Variants in ZBTB8A observed in about 807,000 individuals in gnomAD.
ZBTB8A encodes the protein zinc finger and BTB domain containing 8A, also known as zinc finger and BTB domain-containing protein 8A.
ZBTB8A carries 19 observed loss-of-function variants against 37.8 expected under a neutral mutation model. The observed-to-expected ratio is 0.50, with a 90% confidence interval of 0.35 to 0.74. The LOEUF is 0.74. Ranked by LOEUF, ZBTB8A falls within the 30% of genes least tolerant of loss-of-function variation. The probability of loss-of-function intolerance (pLI) is 0.01; values close to 1 mark genes in which losing one functional copy is unlikely to be tolerated. For missense variants in ZBTB8A, 394 were observed against 537.8 expected, an observed-to-expected ratio of 0.73 and a Z score of 2.65; for synonymous variants, 181 against 185.2, an observed-to-expected ratio of 0.98 and a Z score of 0.19.
chr1:32,569,192 T>C (rs2148230918), intron 2 of ZBTB8A, among the ~76,000 whole-genome samples: 1 of 152,236 alleles, frequency 6.6e-6, no homozygotes, highest in East Asian at 1.9e-4. Flanking sequence ...TGGTTTTAAT[T>C]GGCATTTCCC....
At chr1:32,583,445 G>A (rs1644423178) in intron 2 of ZBTB8A, among the ~76,000 whole-genome samples, 1 of 151,392 alleles carries the variant, frequency 6.6e-6, no homozygotes, top group East Asian at 1.9e-4. Context: ...AGATGGTGAG[G>A]CATTAATATA....
chr1:32,594,095 G>A (rs1390712172), intron 3 of ZBTB8A, among the ~76,000 whole-genome samples: 1 of 151,882 alleles, frequency 6.6e-6, no homozygotes, highest in African/African-American at 2.4e-5. Context: ...TCAGGAGGCT[G>A]AGGCAGGAGA....
At chr1:32,558,991 A>C (rs1644223885) in intron 2 of ZBTB8A, among the ~76,000 whole-genome samples, 1 of 152,182 alleles carries the variant, frequency 6.6e-6, no homozygotes, top group South Asian at 2.1e-4. Flanking sequence ...TAGGAAATGG[A>C]TGTGTAAACC....
In ZBTB8A at chr1:32,555,857, C is replaced by T. The variant is rs190170459; in HGVS notation, c.-2+2317C>T. Among the ~76,000 whole-genome samples, 16 of 152,088 alleles carry T rather than the reference C, an allele frequency of 1.1e-4. No homozygotes were observed. The East Asian group carries it at 2.7e-3, about 26-fold the overall frequency. ...CTTTTCTTCTAAACCAGTTATTTCTCTGGACTCTGGACTTCCCAATTTCTT... is the reference window on the plus strand; with the variant it reads ...CTTTTCTTCTAAACCAGTTATTTCTTTGGACTCTGGACTTCCCAATTTCTT... On this transcript the variant is annotated intron_variant, in intron 2 of 4. Transcript: ENST00000373510.
intron 2 of ZBTB8A, among the ~76,000 whole-genome samples, chr1:32,565,106 G>A (rs1412707621): frequency 6.6e-6 from 1 of 152,186 alleles, no homozygotes; most frequent in African/African-American, 2.4e-5. Flanking sequence ...AAGGTGAGTT[G>A]ATTGCTTGAG....
intron 2 of ZBTB8A, among the ~76,000 whole-genome samples, chr1:32,591,960 C>T (rs565622514): frequency 8.5e-5 from 13 of 152,100 alleles, no homozygotes; most frequent in Non-Finnish European, 1.5e-4. Flanking sequence ...TCTCCTGCCT[C>T]AGCTCCCGAG....
At chr1:32,557,266 C>T (rs1023323117) in intron 2 of ZBTB8A, among the ~76,000 whole-genome samples, 1 of 152,164 alleles carries the variant, frequency 6.6e-6, no homozygotes, top group African/African-American at 2.4e-5. Flanking sequence ...CATGCCATTG[C>T]ACTCCAGCCT....
intron 2 of ZBTB8A, among the ~76,000 whole-genome samples, chr1:32,586,961 AGGGTCAGGTGCGGT>A (rs1245868475): frequency 6.6e-6 from 1 of 152,100 alleles, no homozygotes; most frequent in East Asian, 1.9e-4. Context: ...AATAGCCTTT[AGGGTCAGGTGCGGT>A]GGCTCACGCC....
intron 2 of ZBTB8A, among the ~76,000 whole-genome samples, chr1:32,582,872 C>T (rs1397962320): frequency 6.6e-6 from 1 of 152,112 alleles, no homozygotes; most frequent in African/African-American, 2.4e-5. Flanking sequence ...CAATCCCTAG[C>T]TAAGTGACTC....
At chr1:32,556,689 C>G (rs1370978920) in intron 2 of ZBTB8A, among the ~76,000 whole-genome samples, 1 of 152,056 alleles carries the variant, frequency 6.6e-6, no homozygotes, top group Non-Finnish European at 1.5e-5. Context: ...CAGTTCCAGC[C>G]AACATAGTGA....
intron 1 of ZBTB8A, among the ~76,000 whole-genome samples, chr1:32,544,964 C>T (rs948297016): frequency 1.8e-4 from 27 of 152,068 alleles, no homozygotes; most frequent in Admixed American, 2.6e-4. Flanking sequence ...TATAAACATT[C>T]GTGTATCAGT....
chr1:32,560,648 G>A (rs1470481814), intron 2 of ZBTB8A, among the ~76,000 whole-genome samples: 2 of 84,964 alleles, frequency 2.4e-5, no homozygotes, highest in South Asian at 4.1e-4. Flanking sequence ...TTGAGATGTA[G>A]TCTCACTCTC....
chr1:32,588,198 G>C (rs193034119), intron 2 of ZBTB8A, among the ~76,000 whole-genome samples: 15 of 152,220 alleles, frequency 9.9e-5, no homozygotes, highest in African/African-American at 3.6e-4. Flanking sequence ...GGAAACCCCA[G>C]TTTATAGCTG....
intron 2 of ZBTB8A, among the ~76,000 whole-genome samples, chr1:32,565,247 G>T (rs1644269679): frequency 6.6e-6 from 1 of 152,100 alleles, no homozygotes; most frequent in African/African-American, 2.4e-5. Context: ...GATTGCTTGA[G>T]CCCAGGACAC....
Position 32,600,174 on chromosome 1 carries a change from C to T in ZBTB8A, c.1081C>T (p.Arg361Cys), listed in dbSNP as rs139076803. ...GCAAGTGGTACAGGAGGGAACCAGG[C>T]GCTACAGACTGTGTAATGAGTGTCT... ...TGQVVQEGTRRYRLCNECLAE... is the reference protein window; with the variant it reads ...TGQVVQEGTRCYRLCNECLAE... The change falls in exon 5 of 5, where the codon CGC (arginine) becomes TGC (cysteine). Residue 361 changes from arginine (R) to cysteine (C), a missense_variant. Physicochemically the swap from Arg to Cys is radical, Grantham distance 180 (BLOSUM62 -3). This residue lies in a region of ZBTB8A where 42 missense variants were observed against 96.4 expected (regional missense o/e 0.44). Coordinates refer to ENST00000373510, the MANE Select transcript of ZBTB8A (RefSeq NM_001040441.3). 1.7e-5 allele frequency: 28 copies of T among 1,614,060 alleles called. No individual in the cohort carries two copies. The highest frequency in any genetic ancestry group is 2.7e-5 in the African/African-American group (2 of 74,932).
chr1:32,560,564 T>C (rs1644236000), intron 2 of ZBTB8A, among the ~76,000 whole-genome samples: 1 of 151,182 alleles, frequency 6.6e-6, no homozygotes, highest in African/African-American at 2.4e-5. Flanking sequence ...CATACCACCA[T>C]ACCACTACCT....
chr1:32,568,558 TTA>T (rs1321685897), intron 2 of ZBTB8A, among the ~76,000 whole-genome samples: 5 of 152,094 alleles, frequency 3.3e-5, no homozygotes, highest in Admixed American at 2.6e-4. Context: ...GGCTAATTTT[TTA>T]TGTTTTTAGT....
chr1:32,542,168 A>T (rs1421800589), intron 1 of ZBTB8A, among the ~76,000 whole-genome samples: 1 of 152,206 alleles, frequency 6.6e-6, no homozygotes. Context: ...TTTATGACTC[A>T]GGAACGTTTG....
At chr1:32,572,690 C>T (rs1349747959) in intron 2 of ZBTB8A, among the ~76,000 whole-genome samples, 1 of 152,158 alleles carries the variant, frequency 6.6e-6, no homozygotes, top group African/African-American at 2.4e-5. Flanking sequence ...AACCACTATG[C>T]CCGGCCTCTT....
Sources: allele counts gnomAD v4.1 joint callset (sites outside exome capture counted in the v4.1 genomes callset), GRCh38; gene constraint gnomAD v4.1.1; regional missense constraint gnomAD v4.1.1; transcripts MANE v1.5; gene names NCBI Gene and HGNC (gene_info 2026-07-23, HGNC 2026-07-21).